ZNF880: variants seen among roughly 807,000 people sequenced by gnomAD.
ZNF880 encodes zinc finger protein LOC400713.
In ZNF880, 12 loss-of-function variants were observed where a neutral mutation model predicts 11.8. The ratio of observed to expected loss-of-function variants is 1.02; its 90% confidence interval spans 0.65 to 1.65. The LOEUF is 1.65. Among genes scored for constraint, ZNF880 ranks in the 40% most tolerant of loss-of-function variants. The pLI, the probability that ZNF880 is intolerant of heterozygous loss-of-function variation, is 0.00. For missense variants in ZNF880, 601 were observed against 673.9 expected (o/e 0.89, Z 1.20); for synonymous variants, 210 against 232.4 (o/e 0.90, Z 0.88).
downstream of ZNF880, among the ~76,000 whole-genome samples, chr19:52,388,689 T>G (rs1328671392): frequency 6.6e-6 from 1 of 152,136 alleles, no homozygotes; most frequent in East Asian, 1.9e-4. Context: ...AAATGTTTAC[T>G]ACATAAACAT....
At chr19:52,387,451 AC>A (rs1281977957), downstream of ZNF880, among the ~76,000 whole-genome samples, 2 of 64,590 alleles carry the variant, frequency 3.1e-5, no homozygotes, top group East Asian at 5.5e-4. Flanking sequence ...TATGACAAAT[AC>A]TTTTTTTTTT....
At chr19:52,374,104 C>T (rs1045791859) in intron 2 of ZNF880, among the ~76,000 whole-genome samples, 195 bp from the exon 3 acceptor site, 6 of 149,866 alleles carry the variant, frequency 4.0e-5, no homozygotes, top group African/African-American at 1.2e-4. Context: ...CTCGCTCTGT[C>T]GCCCAGGCTG....
At chr19:52,372,161 C>G (rs1986393128) in intron 1 of ZNF880, among the ~76,000 whole-genome samples, 2 of 151,334 alleles carry the variant, frequency 1.3e-5, no homozygotes, top group African/African-American at 2.4e-5. Flanking sequence ...TGCACTCCAG[C>G]CTGGGCAATA....
chr19:52,375,518 A>G (rs1291925697), intron 3 of ZNF880, among the ~76,000 whole-genome samples: 6 of 152,086 alleles, frequency 3.9e-5, no homozygotes, highest in South Asian at 2.1e-4. Context: ...AATTATTTCA[A>G]TAGGGTTTTG....
chr19:52,374,478 A>T (rs2065935835), intron 3 of ZNF880, 51 bp downstream of exon 3: 13 of 1,506,662 alleles, frequency 8.6e-6, no homozygotes, highest in Admixed American at 6.1e-5. Context: ...TTTTTTTTTT[A>T]AACAGGGTCT....
Position 52,374,370 on chromosome 19 carries a change from G to T in ZNF880, c.211G>T (p.Glu71Ter). The T allele has an allele frequency of 1.2e-6, 2 of 1,613,438 alleles. No homozygotes were observed. The highest frequency in any genetic ancestry group is 8.5e-7 in the Non-Finnish European group (1 of 1,179,722). The part of the protein sequence containing the change: ...QRRDPRNLQS[E>*]VKIANNPGGR... Reference sequence around the variant, plus strand: ...GAGAGATCCCCGGAATCTGCAGAGTGAAGTGAAAATAGCAAACAATCCAGG... The same window carrying T: ...GAGAGATCCCCGGAATCTGCAGAGTTAAGTGAAAATAGCAAACAATCCAGG... Residue 71 changes from glutamate to a stop codon, truncating the protein, a stop_gained, in exon 3 of 4, where the codon GAA becomes TAA. Transcript: ENST00000422689. LOFTEE classifies it high-confidence loss of function.
downstream of ZNF880, among the ~76,000 whole-genome samples, chr19:52,387,615 A>AT (rs1297246187): frequency 2.8e-5 from 4 of 141,316 alleles, 1 homozygote; most frequent in African/African-American, 1.1e-4. Flanking sequence ...CGCCCAGCTA[A>AT]TTTTTTGTAT....
intron 1 of ZNF880, 117 bp from the exon 2 acceptor site, chr19:52,372,994 C>G (rs1370941362): frequency 1.1e-6 from 1 of 914,644 alleles, no homozygotes; most frequent in African/African-American, 1.7e-5. Flanking sequence ...ATATAACTAG[C>G]TAAAAAAATA....
Position 52,385,392 on chromosome 19 carries a change from C to T in ZNF880, c.*78C>T, listed in dbSNP as rs377282146. ...TAATTCATTCATGAGAGAGTTCTTA[C>T]AAACTGAGTATGGCAAACTCTTCAT... On this transcript the variant is annotated 3_prime_UTR_variant, in exon 4 of 4. Coordinates refer to ENST00000422689, the MANE Select transcript of ZNF880 (RefSeq NM_001145434.2). 3.0e-5 allele frequency: 44 copies of T among 1,453,596 alleles called. No individual in the cohort carries two copies. In the East Asian group the frequency reaches 7.2e-4, roughly 24 times the overall value. 90.0% of individuals were successfully genotyped at this position (1,453,596 alleles called of 1,614,324 possible). A position where few individuals can be genotyped will look rare whatever the true frequency, so the allele number is the denominator to read the frequency against.
Position 52,385,353 on chromosome 19 carries a change from T to A in ZNF880, c.*39T>A. The A allele has an allele frequency of 2.0e-6, 3 of 1,536,460 alleles. No individual in the cohort carries two copies. The highest frequency in any genetic ancestry group is 2.4e-5 in the South Asian group (2 of 82,616). On this transcript the variant is annotated 3_prime_UTR_variant, in exon 4 of 4. Transcript: ENST00000422689. ...AGATCTTTAGTAATAATTCACACCT[T>A]GCACAGCATGAGATAATTCATTCAT...
downstream of ZNF880, chr19:52,390,609 T>C (rs551744032): frequency 2.9e-4 from 48 of 163,918 alleles, no homozygotes; most frequent in South Asian, 3.1e-3. Flanking sequence ...AGAAAAATGG[T>C]GAAATGGGAA....
chr19:52,373,338 T>C (rs1986449105), intron 2 of ZNF880, 101 bp downstream of exon 2: 5 of 1,251,944 alleles, frequency 4.0e-6, no homozygotes, highest in Non-Finnish European at 5.5e-6. Context: ...ATTGCTTGAC[T>C]GAGATTGAAA....
At chr19:52,376,461 TC>T (rs1034917452) in intron 3 of ZNF880, among the ~76,000 whole-genome samples, 3 of 151,720 alleles carry the variant, frequency 2.0e-5, no homozygotes, top group Non-Finnish European at 4.4e-5. Flanking sequence ...TTCTGTATTT[TC>T]TTTTGACAAT....
Position 52,384,985 on chromosome 19 carries a change from T to C in ZNF880, c.1405T>C (p.Cys469Arg). ...TGEKPYRCDE[C>R]GKDFTRNSNL... ...AGAGAAACCTTACAGATGTGATGAA[T>C]GTGGCAAGGACTTCACTCGAAATTC... The change falls in exon 4 of 4, where the codon TGT becomes CGT. Residue 469 changes from cysteine (C) to arginine (R), a missense_variant. Transcript: ENST00000422689. 4 of 1,567,052 alleles carry C rather than the reference T, an allele frequency of 2.6e-6. No homozygotes were observed. Among genetic ancestry groups the C allele is most frequent in the Non-Finnish European group, 3.5e-6 (4 of 1,154,908 alleles).
Position 52,385,440 on chromosome 19 carries a change from C to A in ZNF880, c.*126C>A. The A allele has an allele frequency of 9.0e-7, 1 of 1,111,482 alleles. No homozygotes were observed. The highest frequency in any genetic ancestry group is 1.3e-6 in the Non-Finnish European group (1 of 793,914). The allele number at this position is 1,111,482 out of a possible 1,614,324, so 68.9% of individuals were successfully genotyped here. The stretch of plus-strand genomic sequence containing the variant: ...CATGCTAAGTTCTAGCATTAATCAA[C>A]ATCAGAGATTCCATACTAAAGAGAA... On this transcript the variant is annotated 3_prime_UTR_variant, in exon 4 of 4. Transcript: ENST00000422689.
chr19:52,397,358 T>C, the ZNF880 span: 2 of 152,148 alleles, frequency 1.3e-5, no homozygotes, highest in African/African-American at 4.8e-5. Context: ...GGGTTTTGCA[T>C]TTCACATTTT....
intron 3 of ZNF880, chr19:52,379,941 C>G (rs1014431494): frequency 4.6e-5 from 7 of 151,984 alleles, no homozygotes; most frequent in Non-Finnish European, 1.0e-4. Flanking sequence ...CTCTGTCACC[C>G]AGGATAGAGT....
chr19:52,379,684 T>C (rs1986654840), intron 3 of ZNF880: 2 of 226,320 alleles, frequency 8.8e-6, no homozygotes, highest in African/African-American at 2.4e-5. Flanking sequence ...GCTCAGGTGA[T>C]CCACCCGCCT....
At chr19:52,391,747 C>A in the ZNF880 span, among the ~76,000 whole-genome samples, 159 of 152,304 alleles carry the variant, frequency 1.0e-3, no homozygotes, top group African/African-American at 3.7e-3. Context: ...AGGTTAGCTT[C>A]CATTTGCTGT....
Sources: gnomAD v4.1 joint callset for allele counts (sites outside exome capture counted in the v4.1 genomes callset) on GRCh38, gnomAD v4.1.1 for gene constraint, MANE v1.5 for transcripts, NCBI Gene and HGNC (gene_info 2026-07-23, HGNC 2026-07-21) for gene names.